The following ANK3 variants were observed in gnomAD, a reference collection of about 807,000 sequenced individuals.
ANK3 encodes the protein ankyrin 3, also known as ankyrin-3.
A neutral mutation model predicts 370.9 loss-of-function variants in ANK3; 57 were observed. That is an observed-to-expected ratio of 0.15 (90% CI 0.12 to 0.19). The LOEUF (loss-of-function observed/expected upper bound fraction) is 0.19, where lower values mean the gene tolerates loss of function less well. ANK3 is among the 10% of genes least tolerant of loss of function. The pLI, the probability that ANK3 is intolerant of heterozygous loss-of-function variation, is 1.00. For missense variants in ANK3, 4,439 were observed against 5,302.1 expected (o/e 0.84, Z 5.06); for synonymous variants, 1,929 against 1,946.3 (o/e 0.99, Z 0.23).
At chr10:60,352,860 T>C (rs142565562) in intron 1 of ANK3, among the ~76,000 whole-genome samples, 2 of 152,302 alleles carry the variant, frequency 1.3e-5, no homozygotes, top group Admixed American at 1.3e-4. Context: ...AAATTATACT[T>C]GTATTTAGCG....
intron 2 of ANK3, among the ~76,000 whole-genome samples, chr10:60,462,450 G>A (rs1196826836): frequency 2.6e-5 from 4 of 152,064 alleles, no homozygotes; most frequent in Non-Finnish European, 4.4e-5. Flanking sequence ...TATATTAAGA[G>A]TTTAAGTATT....
rs111845347 is a variant in ANK3 at position 60,251,277 on chromosome 10, G to C, written c.798+10582C>G. On this transcript the variant is annotated intron_variant, in intron 7 of 43. Transcript: ENST00000280772. ...GGTCTTCTGACCAACCGCTCTCTGGGGTGCATTGCTGGGGGATGCTAGACA... is the reference window on the plus strand; with the variant it reads ...GGTCTTCTGACCAACCGCTCTCTGGCGTGCATTGCTGGGGGATGCTAGACA... 7.4e-3 allele frequency among the ~76,000 whole-genome samples: 1,126 copies of C among 152,188 alleles called. 16 individuals are homozygous for C. The highest frequency in any genetic ancestry group is 0.026 in the African/African-American group (1,078 of 41,520).
chr10:60,192,172 G>A lies in ANK3; in HGVS notation c.1887+3973C>T, dbSNP rs371355435. ...CTTCCAAAGTAGTGGGATTACAGGC[G>A]TGAGCCACCGCACCCGGCCTATTTT... On this transcript the variant is annotated intron_variant, in intron 16 of 43. Transcript: ENST00000280772. Among the ~76,000 whole-genome samples, 37 of 152,150 alleles carry A rather than the reference G, an allele frequency of 2.4e-4. No individual in the cohort carries two copies. The East Asian group carries it at 2.9e-3, about 12-fold the overall frequency.
At chr10:60,344,157 C>T (rs2132993746) in intron 1 of ANK3, among the ~76,000 whole-genome samples, 1 of 152,360 alleles carries the variant, frequency 6.6e-6, no homozygotes, top group African/African-American at 2.4e-5. Context: ...CAAAATCCAA[C>T]AGGTAACAAA....
chr10:60,335,498 G>A (rs1014698908), intron 1 of ANK3, among the ~76,000 whole-genome samples: 3 of 152,120 alleles, frequency 2.0e-5, no homozygotes, highest in African/African-American at 7.2e-5. Context: ...GTTTGGCAGG[G>A]TGAATGTGGC....
chr10:60,102,510 T>C (rs538274058), intron 28 of ANK3, among the ~76,000 whole-genome samples: 15 of 152,154 alleles, frequency 9.9e-5, no homozygotes, highest in Non-Finnish European at 1.8e-4. Context: ...ATGAGAAGTC[T>C]AGTCTGTGTA....
chr10:60,392,515 C>T (rs966248095), upstream of ANK3, among the ~76,000 whole-genome samples: 35 of 152,178 alleles, frequency 2.3e-4, 1 homozygote, highest in East Asian at 1.9e-4. Context: ...GTCAGGCCGA[C>T]GGTCACCTCC....
intron 1 of ANK3, among the ~76,000 whole-genome samples, chr10:60,627,897 G>A (rs1439210193): frequency 6.6e-6 from 1 of 152,054 alleles, no homozygotes; most frequent in Admixed American, 6.6e-5. Flanking sequence ...CTGAGCCCTG[G>A]AGAGGTTAAT....
intron 36 of ANK3, 41 bp downstream of exon 36, chr10:60,080,496 T>C: frequency 3.2e-6 from 5 of 1,560,272 alleles, no homozygotes; most frequent in Middle Eastern, 1.7e-4. Flanking sequence ...TCTCTTCTTA[T>C]GAAAATCCAC....
chr10:60,723,051 G>A (rs183717325), intron 1 of ANK3, among the ~76,000 whole-genome samples: 2 of 152,278 alleles, frequency 1.3e-5, no homozygotes, highest in East Asian at 3.9e-4. Flanking sequence ...ACATTGAAAA[G>A]AGCAGCTCAT....
intron 2 of ANK3, among the ~76,000 whole-genome samples, chr10:60,539,456 G>T (rs1185166795): frequency 6.6e-6 from 1 of 151,860 alleles, no homozygotes; most frequent in Admixed American, 6.6e-5. Context: ...GAGCTCCATT[G>T]TCTACTAGGT....
chr10:60,519,897 G>C (rs2076309411), intron 2 of ANK3, among the ~76,000 whole-genome samples: 1 of 152,128 alleles, frequency 6.6e-6, no homozygotes, highest in Admixed American at 6.6e-5. Flanking sequence ...AGATGGGTTA[G>C]AGGGTTGATC....
chr10:60,206,460 C>T (rs113747320), intron 10 of ANK3, among the ~76,000 whole-genome samples: 5,872 of 151,344 alleles, frequency 0.039, 355 homozygotes, highest in African/African-American at 0.13. Flanking sequence ...GCAACAAGAG[C>T]GAAACTCTGT....
chr10:60,601,202 C>G (rs917265223), intron 2 of ANK3, among the ~76,000 whole-genome samples: 1 of 146,884 alleles, frequency 6.8e-6, no homozygotes, highest in African/African-American at 2.6e-5. Context: ...CACACATACC[C>G]GCACACACAC....
chr10:60,565,302 A>G (rs996358713), intron 2 of ANK3, among the ~76,000 whole-genome samples: 2 of 152,192 alleles, frequency 1.3e-5, no homozygotes, highest in Non-Finnish European at 2.9e-5. Flanking sequence ...GATCTCTTGC[A>G]TGTGCAGTTC....
At chr10:60,709,479 T>C (rs1462400269) in intron 1 of ANK3, among the ~76,000 whole-genome samples, 1 of 152,086 alleles carries the variant, frequency 6.6e-6, no homozygotes, top group Non-Finnish European at 1.5e-5. Flanking sequence ...ACCAATAACA[T>C]AAATAGCTGA....
chr10:60,173,914 T>C (rs1366566368), intron 18 of ANK3, among the ~76,000 whole-genome samples: 1 of 152,184 alleles, frequency 6.6e-6, no homozygotes, highest in Admixed American at 6.5e-5. Flanking sequence ...ATAATTATTT[T>C]CTTTAAAATA....
At chr10:60,213,864 A>G (rs1263310251) in intron 8 of ANK3, among the ~76,000 whole-genome samples, 2 of 152,158 alleles carry the variant, frequency 1.3e-5, no homozygotes, top group Non-Finnish European at 2.9e-5. Context: ...TTTGTAATAG[A>G]AATTCTACAT....
intron 4 of ANK3, among the ~76,000 whole-genome samples, chr10:60,278,287 G>GTATCTTTTA (rs1366665268): frequency 5.9e-5 from 9 of 152,168 alleles, no homozygotes; most frequent in Non-Finnish European, 1.2e-4. Context: ...TCTATGACTA[G>GTATCTTTTA]TATCTTTTAT....
Sources: allele counts gnomAD v4.1 joint callset (sites outside exome capture counted in the v4.1 genomes callset), GRCh38; gene constraint gnomAD v4.1.1; transcripts MANE v1.5; gene names NCBI Gene and HGNC (gene_info 2026-07-23, HGNC 2026-07-21).